The following ADGRB3 variants were observed in gnomAD, a reference collection of about 807,000 sequenced individuals.
The protein encoded by ADGRB3 is brain-specific angiogenesis inhibitor 3.
ADGRB3 carries 37 observed loss-of-function variants against 193.4 expected under a neutral mutation model. The ratio of observed to expected loss-of-function variants is 0.19; its 90% CI spans 0.15 to 0.25. The LOEUF (loss-of-function observed/expected upper bound fraction) is 0.25. Among genes scored for constraint, ADGRB3 ranks in the 10% least tolerant of loss-of-function variants. The probability of loss-of-function intolerance (pLI) is 1.00; values close to 1 mark genes in which losing one functional copy is unlikely to be tolerated. For missense variants in ADGRB3, 1,637 were observed against 1,852.9 expected (o/e 0.88, Z 2.14); for synonymous variants, 690 against 644.2 (o/e 1.07, Z -1.08).
chr6:68,659,335 A>T (rs193009198), intron 3 of ADGRB3, among the ~76,000 whole-genome samples: 91 of 151,036 alleles, frequency 6.0e-4, no homozygotes, highest in Non-Finnish European at 1.0e-3. Context: ...TTTCTAAAAA[A>T]AAAAGACAAT....
At chr6:69,041,523 T>C (rs1363462600) in intron 13 of ADGRB3, among the ~76,000 whole-genome samples, 1 of 152,148 alleles carries the variant, frequency 6.6e-6, no homozygotes, top group Admixed American at 6.5e-5. Context: ...AAAATCACAT[T>C]GCACCACACA....
At chr6:69,108,055 A>T (rs1279525210) in intron 17 of ADGRB3, among the ~76,000 whole-genome samples, 1 of 152,046 alleles carries the variant, frequency 6.6e-6, no homozygotes, top group Non-Finnish European at 1.5e-5. Flanking sequence ...ATTGAAAAAA[A>T]AAAAAAAGTC....
At chr6:68,890,596 A>T (rs1582288683) in intron 3 of ADGRB3, among the ~76,000 whole-genome samples, 1 of 152,256 alleles carries the variant, frequency 6.6e-6, no homozygotes, top group Non-Finnish European at 1.5e-5. Flanking sequence ...TGCAAGGGAT[A>T]TAAATTTGTG....
At chr6:69,230,141 G>A (rs113449349) in intron 17 of ADGRB3, among the ~76,000 whole-genome samples, 2,091 of 152,228 alleles carry the variant, frequency 0.014, 24 homozygotes, top group Non-Finnish European at 0.023. Flanking sequence ...TGCCCAGATA[G>A]GACACTATGA....
chr6:69,362,791 GTTTC>G (rs1769480432), intron 29 of ADGRB3, among the ~76,000 whole-genome samples: 1 of 151,972 alleles, frequency 6.6e-6, no homozygotes, highest in Non-Finnish European at 1.5e-5. Flanking sequence ...AATAGCTGCA[GTTTC>G]TTTATTTGTA....
chr6:68,828,808 G>A (rs115383484), intron 3 of ADGRB3, among the ~76,000 whole-genome samples: 347 of 152,186 alleles, frequency 2.3e-3, no homozygotes, highest in African/African-American at 7.2e-3. Context: ...TATCAAAAGG[G>A]TTTTAAATCA....
At chr6:68,898,433 C>T (rs1471461321) in intron 3 of ADGRB3, among the ~76,000 whole-genome samples, 2 of 152,104 alleles carry the variant, frequency 1.3e-5, no homozygotes, top group Non-Finnish European at 2.9e-5. Flanking sequence ...CACAGACACA[C>T]CCAGAAATAA....
chr6:69,212,734 C>T (rs915196796), intron 17 of ADGRB3, among the ~76,000 whole-genome samples: 3 of 152,164 alleles, frequency 2.0e-5, no homozygotes, highest in South Asian at 2.1e-4. Context: ...AAACTTAATG[C>T]GTTAGAAAAG....
intron 29 of ADGRB3, among the ~76,000 whole-genome samples, chr6:69,371,179 A>C (rs1769698860): frequency 6.6e-6 from 1 of 152,132 alleles, no homozygotes; most frequent in Non-Finnish European, 1.5e-5. Context: ...CACTTAAAAC[A>C]TGAAACCTTT....
chr6:68,742,886 T>A (rs1766007424), intron 3 of ADGRB3, among the ~76,000 whole-genome samples: 1 of 151,940 alleles, frequency 6.6e-6, no homozygotes, highest in South Asian at 2.1e-4. Context: ...TTTTTATAAT[T>A]TTCTATTTTT....
At chr6:69,122,482 GGGGGGA>G (rs1213749888) in intron 17 of ADGRB3, among the ~76,000 whole-genome samples, 10 of 17,142 alleles carry the variant, frequency 5.8e-4, no homozygotes, top group Non-Finnish European at 9.5e-4. Flanking sequence ...GGGAGGGGGA[GGGGGGA>G]GGGGGAGGGG....
At chr6:68,783,408 A>G (rs1480461635) in intron 3 of ADGRB3, among the ~76,000 whole-genome samples, 1 of 150,990 alleles carries the variant, frequency 6.6e-6, no homozygotes, top group East Asian at 1.9e-4. Context: ...TCTAGGCTAT[A>G]CTGCAGTAGC....
intron 17 of ADGRB3, among the ~76,000 whole-genome samples, chr6:69,179,336 G>C (rs1176663533): frequency 6.6e-6 from 1 of 152,036 alleles, no homozygotes; most frequent in African/African-American, 2.4e-5. Context: ...TATTCTAAAA[G>C]CTCTGACTGA....
At chr6:69,091,287 G>A (rs1031311349) in intron 17 of ADGRB3, among the ~76,000 whole-genome samples, 1 of 152,196 alleles carries the variant, frequency 6.6e-6, no homozygotes. Flanking sequence ...TTCTATTACT[G>A]GATATATACC....
chr6:68,640,495 A>G (rs2585606), intron 3 of ADGRB3, among the ~76,000 whole-genome samples: 3,131 of 152,288 alleles, frequency 0.021, 108 homozygotes, highest in African/African-American at 0.069. Context: ...CTGCTGATAC[A>G]TATTAGTTCT....
intron 3 of ADGRB3, among the ~76,000 whole-genome samples, chr6:68,869,741 T>C (rs1338334839): frequency 7.5e-6 from 1 of 132,488 alleles, no homozygotes; most frequent in Non-Finnish European, 1.6e-5. Flanking sequence ...TAACTTTGAA[T>C]AAAAGGCAAC....
intron 17 of ADGRB3, among the ~76,000 whole-genome samples, chr6:69,220,424 T>C (rs1248874009): frequency 1.3e-5 from 2 of 152,176 alleles, no homozygotes; most frequent in Non-Finnish European, 2.9e-5. Context: ...ATGACTGTTA[T>C]GCGTACAGTT....
intron 17 of ADGRB3, among the ~76,000 whole-genome samples, chr6:69,219,382 A>G (rs1026736385): frequency 6.7e-6 from 1 of 149,428 alleles, no homozygotes; most frequent in Non-Finnish European, 1.5e-5. Flanking sequence ...CAGTCACCAT[A>G]TGACAACCAT....
intron 3 of ADGRB3, among the ~76,000 whole-genome samples, chr6:68,776,826 C>T (rs1262580456): frequency 6.6e-6 from 1 of 152,052 alleles, no homozygotes; most frequent in Non-Finnish European, 1.5e-5. Context: ...CTTTAATTTT[C>T]TTGAAGATTT....
Sources: gnomAD v4.1 joint callset for allele counts (sites outside exome capture counted in the v4.1 genomes callset) on GRCh38, gnomAD v4.1.1 for gene constraint, MANE v1.5 for transcripts, NCBI Gene and HGNC (gene_info 2026-07-23, HGNC 2026-07-21) for gene names.